CCSER1: variants seen among roughly 807,000 people sequenced by gnomAD.
CCSER1 encodes the protein coiled-coil serine rich protein 1, also known as serine-rich coiled-coil domain-containing protein 1.
Under a neutral mutation model 82.0 loss-of-function variants are expected in CCSER1, and 41 were observed. That is an observed-to-expected ratio of 0.50 (90% CI 0.39 to 0.65). The LOEUF is 0.65. Among genes scored for constraint, CCSER1 ranks in the 30% least tolerant of loss-of-function variants. CCSER1 has a pLI of 0.00. For synonymous variants in CCSER1, 414 were observed against 383.9 expected, an observed-to-expected ratio of 1.08 and a Z score of -0.92; for missense variants, 1,119 against 1,064.2, an observed-to-expected ratio of 1.05 and a Z score of -0.72.
At chr4:91,143,042 A>G (rs902974920) in intron 10 of CCSER1, among the ~76,000 whole-genome samples, 6 of 152,040 alleles carry the variant, frequency 3.9e-5, no homozygotes, top group African/African-American at 1.4e-4. Flanking sequence ...TTATAGGAAC[A>G]GTGTTGAATC....
intron 3 of CCSER1, among the ~76,000 whole-genome samples, chr4:90,387,463 G>A (rs959631591): frequency 1.3e-5 from 2 of 152,196 alleles, no homozygotes; most frequent in African/African-American, 2.4e-5. Context: ...GAGGTAATCT[G>A]TGTCATACCT....
intron 10 of CCSER1, among the ~76,000 whole-genome samples, chr4:91,594,440 C>T (rs1329403742): frequency 2.0e-5 from 3 of 147,878 alleles, no homozygotes; most frequent in Non-Finnish European, 3.0e-5. Context: ...CATATACACA[C>T]ATATATACAT....
chr4:90,978,870 T>G (rs1219562289), intron 9 of CCSER1, among the ~76,000 whole-genome samples: 1 of 151,794 alleles, frequency 6.6e-6, no homozygotes, highest in Non-Finnish European at 1.5e-5. Flanking sequence ...AAAACAGCCC[T>G]TTGAATACCA....
chr4:91,226,055 G>T (rs937737314), intron 10 of CCSER1, among the ~76,000 whole-genome samples: 1 of 151,884 alleles, frequency 6.6e-6, no homozygotes, highest in African/African-American at 2.4e-5. Flanking sequence ...TACACAATGT[G>T]CAGGTTAGTT....
intron 10 of CCSER1, among the ~76,000 whole-genome samples, chr4:91,160,314 G>A (rs1455901668): frequency 1.3e-5 from 2 of 152,144 alleles, no homozygotes; most frequent in East Asian, 3.8e-4. Flanking sequence ...ATTTCAGTTG[G>A]TTCCAAGTTT....
intron 6 of CCSER1, among the ~76,000 whole-genome samples, chr4:90,695,870 A>C (rs1180450475): frequency 1.3e-5 from 2 of 151,966 alleles, no homozygotes; most frequent in Non-Finnish European, 2.9e-5. Context: ...ATTATATGTG[A>C]GTCTTATTAA....
At chr4:90,352,353 A>G (rs1674909437) in intron 3 of CCSER1, among the ~76,000 whole-genome samples, 1 of 151,688 alleles carries the variant, frequency 6.6e-6, no homozygotes, top group Non-Finnish European at 1.5e-5. Flanking sequence ...AAAACAAAAC[A>G]AAACAAATAA....
intron 8 of CCSER1, among the ~76,000 whole-genome samples, chr4:90,903,578 C>T (rs1724990755): frequency 6.6e-6 from 1 of 152,116 alleles, no homozygotes; most frequent in South Asian, 2.1e-4. Context: ...AAGTAAACAC[C>T]TTCCTCCACT....
intron 1 of CCSER1, among the ~76,000 whole-genome samples, chr4:90,147,689 C>A (rs1257232286): frequency 6.6e-6 from 1 of 151,960 alleles, no homozygotes; most frequent in Non-Finnish European, 1.5e-5. Flanking sequence ...ATGAATACAT[C>A]CGTAAATACA....
intron 7 of CCSER1, among the ~76,000 whole-genome samples, chr4:90,775,773 A>G (rs2149586009): frequency 6.6e-6 from 1 of 152,236 alleles, no homozygotes; most frequent in East Asian, 1.9e-4. Flanking sequence ...GGAGTAAGAG[A>G]TTGGATATTT....
intron 4 of CCSER1, among the ~76,000 whole-genome samples, chr4:90,437,840 A>G (rs953294229): frequency 1.3e-5 from 2 of 152,180 alleles, no homozygotes; most frequent in Admixed American, 1.3e-4. Context: ...TATACATGAA[A>G]TGATCCTTGA....
At chr4:91,459,897 A>G (rs1190851499) in intron 10 of CCSER1, among the ~76,000 whole-genome samples, 2 of 152,182 alleles carry the variant, frequency 1.3e-5, no homozygotes, top group African/African-American at 4.8e-5. Context: ...CTATGATGAG[A>G]AACAGCTCCT....
intron 10 of CCSER1, among the ~76,000 whole-genome samples, chr4:91,312,040 A>G (rs1745517500): frequency 6.6e-6 from 1 of 151,846 alleles, no homozygotes. Context: ...AAAGCTAAAA[A>G]ACATCAAACA....
At chr4:90,253,467 A>G (rs997618315) in intron 1 of CCSER1, among the ~76,000 whole-genome samples, 1 of 152,188 alleles carries the variant, frequency 6.6e-6, no homozygotes, top group Non-Finnish European at 1.5e-5. Context: ...AATATGAAAT[A>G]CTTGATTGAG....
At chr4:90,568,857 T>A (rs995473738) in intron 5 of CCSER1, among the ~76,000 whole-genome samples, 1 of 151,432 alleles carries the variant, frequency 6.6e-6, no homozygotes, top group Admixed American at 6.6e-5. Context: ...AACCTCTGTC[T>A]CCTGGGATCA....
intron 3 of CCSER1, among the ~76,000 whole-genome samples, chr4:90,392,015 T>A (rs1187243977): frequency 6.6e-6 from 1 of 151,954 alleles, no homozygotes; most frequent in Non-Finnish European, 1.5e-5. Flanking sequence ...ACTCATGCAG[T>A]TAGGTTTAGA....
intron 1 of CCSER1, among the ~76,000 whole-genome samples, chr4:90,192,176 A>G (rs1030954835): frequency 2.0e-5 from 3 of 152,046 alleles, no homozygotes; most frequent in African/African-American, 7.2e-5. Flanking sequence ...AGCAAGTCAC[A>G]TGTTACGTGG....
intron 5 of CCSER1, among the ~76,000 whole-genome samples, chr4:90,546,527 G>C (rs1009801910): frequency 3.3e-5 from 5 of 152,094 alleles, no homozygotes; most frequent in African/African-American, 9.7e-5. Flanking sequence ...GTTTGACTAT[G>C]CATTAGTATG....
intron 1 of CCSER1, among the ~76,000 whole-genome samples, chr4:90,265,146 C>G (rs1228620924): frequency 6.6e-6 from 1 of 151,854 alleles, no homozygotes; most frequent in Non-Finnish European, 1.5e-5. Flanking sequence ...GAACTACTTG[C>G]AATCTCTTCC....
Sources: gnomAD v4.1 joint callset for allele counts (sites outside exome capture counted in the v4.1 genomes callset) on GRCh38, gnomAD v4.1.1 for gene constraint, MANE v1.5 for transcripts, NCBI Gene and HGNC (gene_info 2026-07-23, HGNC 2026-07-21) for gene names.